Variants in FCHSD1 observed in about 807,000 individuals in gnomAD.
The protein encoded by FCHSD1 is FCH and double SH3 domains 1, also known as F-BAR and double SH3 domains protein 1.
FCHSD1 carries 109 observed loss-of-function variants against 101.3 expected under a neutral mutation model. That is an observed-to-expected ratio of 1.08 (90% CI 0.92 to 1.26). FCHSD1 has a LOEUF of 1.26. FCHSD1 is among the 50% of genes most tolerant of loss of function. FCHSD1 has a pLI of 0.00. For synonymous variants in FCHSD1, 291 were observed against 356.8 expected (o/e 0.82, Z 2.08); for missense variants, 820 against 895.8 (o/e 0.92, Z 1.08).
At position 141,649,423 on chromosome 5, in the gene FCHSD1, C is replaced by T. The variant is rs766209386; in HGVS notation, c.347G>A (p.Arg116Gln). Residue 116 changes from arginine (R) to glutamine (Q), a missense_variant, in exon 5 of 20, where the codon CGG becomes CAG. Arg to Gln is a conservative substitution (Grantham distance 43). Coordinates refer to ENST00000435817, the MANE Select transcript of FCHSD1 (RefSeq NM_033449.3). The surrounding 1 kb of genome is among the most constrained non-coding windows in gnomAD (Gnocchi z 4.1). ...CCTAAGCACCTGCTCCTTGGCGCTC[C>T]GCCCTGTACCCCCTGCTAGGTCACG... ...RYRDLAGGTG[R>Q]SAKEQVLRKG... The T allele has an allele frequency of 6.7e-5, 108 of 1,613,886 alleles. 3 individuals are homozygous for T. The Admixed American group carries it at 6.8e-4, about 10-fold the overall frequency.
chr5:141,649,440 T>A lies in FCHSD1; in HGVS notation c.330A>T (p.Leu110=). The change falls in exon 5 of 20, where the codon CTA becomes CTT. Residue 110 remains leucine (L), a synonymous_variant. Coordinates refer to ENST00000435817, the MANE Select transcript of FCHSD1 (RefSeq NM_033449.3). This position sits in a 1 kb window ranked among gnomAD's most constrained non-coding sequence, Gnocchi z 4.1. ...TGGCGCTCCGCCCTGTACCCCCTGC[T>A]AGGTCACGGTATCGGTCAGACGCCT... ...RLQASDRYRD[L]AGGTGRSAKE... is the part of the protein sequence containing the mutation. 6.2e-7 allele frequency: 1 copy of A among 1,614,006 alleles called. No individual in the cohort carries two copies. The highest frequency in any genetic ancestry group is 8.5e-7 in the Non-Finnish European group (1 of 1,179,884).
Position 141,649,447 on chromosome 5 carries a change from C to T in FCHSD1, c.323G>A (p.Arg108His), listed in dbSNP as rs1035904239. ...CCGCCCTGTACCCCCTGCTAGGTCACGGTATCGGTCAGACGCCTGGAGTCG... is the reference window on the plus strand; with the variant it reads ...CCGCCCTGTACCCCCTGCTAGGTCATGGTATCGGTCAGACGCCTGGAGTCG... ...QTRLQASDRY[R>H]DLAGGTGRSA... The change falls in exon 5 of 20, where the codon CGT (arginine) becomes CAT (histidine). Residue 108 changes from arginine to histidine, a missense_variant. Coordinates refer to ENST00000435817, the MANE Select transcript of FCHSD1 (RefSeq NM_033449.3). The surrounding 1 kb of genome is among the most constrained non-coding windows in gnomAD (Gnocchi z 4.1). The T allele has an allele frequency of 2.5e-5, 40 of 1,613,894 alleles. No homozygotes were observed. In the African/African-American group the frequency reaches 3.2e-4, roughly 13 times the overall value.
rs1166651953 is a variant in FCHSD1 at position 141,647,149 on chromosome 5, C to T, written c.910G>A (p.Ala304Thr). Residue 304 changes from alanine to threonine, a missense_variant, in exon 10 of 20, where the codon GCA becomes ACA. Physicochemically the swap from Ala to Thr is moderately conservative, Grantham distance 58. Transcript: ENST00000435817. ...SPTPPQQFQP[A>T]GTDQVCVLEW... is the part of the protein sequence containing the mutation. ...GAAGATCTCACCTGATCAGTCCCTG[C>T]TGGCTGAAACTGCTGAGGTGGGGTG... 2 of 1,607,520 alleles carry T rather than the reference C, an allele frequency of 1.2e-6. No homozygotes were observed. The highest frequency in any genetic ancestry group is 1.7e-6 in the Non-Finnish European group (2 of 1,177,052).
At position 141,646,182 on chromosome 5, in the gene FCHSD1, G is replaced by T; in HGVS notation, c.1054C>A (p.Arg352=). 3 of 1,604,648 alleles carry T rather than the reference G, an allele frequency of 1.9e-6. No homozygotes were observed. Among genetic ancestry groups the T allele is most frequent in the South Asian group, 2.2e-5 (2 of 89,362 alleles). Residue 352 remains arginine (R), a synonymous_variant, in exon 12 of 20, where the codon CGA becomes AGA. Transcript: ENST00000435817. ...GCCTGCTGCCGCCTCTGCTCCAGTCGTTGCAGTACCTGGTTGGGAAGGCAG... is the reference window on the plus strand; with the variant it reads ...GCCTGCTGCCGCCTCTGCTCCAGTCTTTGCAGTACCTGGTTGGGAAGGCAG... ...IQNHGHRVLQ[R]LEQRRQQASE... is the part of the protein sequence containing the mutation.
Position 141,641,315 on chromosome 5 carries a change from GA to G in FCHSD1, c.*182del. On this transcript the variant is annotated 3_prime_UTR_variant, in exon 20 of 20. Transcript: ENST00000435817. ...GGTCCTAGAGATGATAGAACAATGG[GA>G]AAAAAAGGAGTGGGTTCCAGCTCTA... is the stretch of plus-strand genomic sequence containing the variant. 11 of 525,712 alleles carry G rather than the reference GA, an allele frequency of 2.1e-5. No homozygotes were observed. Among genetic ancestry groups the G allele is most frequent in the South Asian group, 1.3e-4 (3 of 22,536 alleles). 32.6% of individuals were successfully genotyped at this position (525,712 alleles called of 1,614,324 possible).
At position 141,640,464 on chromosome 5, in the gene FCHSD1, TA is replaced by T; in HGVS notation, c.*1033del. The T allele has an allele frequency of 6.2e-7, 1 of 1,614,096 alleles. No individual in the cohort carries two copies. Among genetic ancestry groups the T allele is most frequent in the South Asian group, 1.1e-5 (1 of 91,078 alleles). On this transcript the variant is annotated 3_prime_UTR_variant, in exon 20 of 20. Coordinates refer to ENST00000435817, the MANE Select transcript of FCHSD1 (RefSeq NM_033449.3). ...ATGTGAGGTGAGTCTGCCTGAGCCC[TA>T]AATGAGGTAATCTCATCTTCCCATC...
intron 17 of FCHSD1, 84 bp from the exon 18 acceptor site, chr5:141,643,172 T>C (rs2099907178): frequency 2.8e-6 from 3 of 1,075,708 alleles, no homozygotes; most frequent in Non-Finnish European, 2.5e-6. Flanking sequence ...TCCAGTTCCT[T>C]CCTCATCACT....
chr5:141,640,267 C>G lies in FCHSD1; in HGVS notation c.*1231G>C. The G allele has an allele frequency of 6.2e-7, 1 of 1,613,940 alleles. No homozygotes were observed. Among genetic ancestry groups the G allele is most frequent in the East Asian group, 2.2e-5 (1 of 44,878 alleles). ...CCCACTCAAGAGGCAAATGGGCAGC[C>G]AAGCAAACCAGACACTTCTGATCAC... On this transcript the variant is annotated 3_prime_UTR_variant, in exon 20 of 20. Transcript: ENST00000435817.
In FCHSD1 at chr5:141,640,385, A is replaced by ATTG; in HGVS notation, c.*1110_*1112dup. 1 of 1,614,092 alleles carries ATTG rather than the reference A, an allele frequency of 6.2e-7. No homozygotes were observed. On this transcript the variant is annotated 3_prime_UTR_variant, in exon 20 of 20. Transcript: ENST00000435817. ...TGATAGGACCTACTCCTGGTCTCTC[A>ATTG]TTGTTGACCCCTCCCCTTTCTCTCA...
Position 141,640,752 on chromosome 5 carries a change from G to A in FCHSD1, c.*746C>T. On this transcript the variant is annotated 3_prime_UTR_variant, in exon 20 of 20. Coordinates refer to ENST00000435817, the MANE Select transcript of FCHSD1 (RefSeq NM_033449.3). ...TGAAAGCCCTCCCCTCCACTGGACA[G>A]CACTGCCCCCCAGCTGAGGGACCAG... is the stretch of plus-strand genomic sequence containing the variant. 1 of 1,322,816 alleles carries A rather than the reference G, an allele frequency of 7.6e-7. No individual in the cohort carries two copies. The highest frequency in any genetic ancestry group is 1.0e-6 in the Non-Finnish European group (1 of 971,092). 81.9% of individuals were successfully genotyped at this position (1,322,816 alleles called of 1,614,324 possible). A position where few individuals can be genotyped will look rare whatever the true frequency, so the allele number is the denominator to read the frequency against.
chr5:141,641,253 C>A lies in FCHSD1; in HGVS notation c.*245G>T. ...CCCAGAGATTTCAGGCATTTCACCACCCTAGATAGGGTCATGACAGAAGAG... is the reference window on the plus strand; with the variant it reads ...CCCAGAGATTTCAGGCATTTCACCAACCTAGATAGGGTCATGACAGAAGAG... On this transcript the variant is annotated 3_prime_UTR_variant, in exon 20 of 20. Transcript: ENST00000435817. The A allele has an allele frequency of 2.3e-6, 1 of 427,468 alleles. No homozygotes were observed. The highest frequency in any genetic ancestry group is 8.2e-5 in the South Asian group (1 of 12,268). The allele number at this position is 427,468 out of a possible 1,614,324, so 26.5% of individuals were successfully genotyped here. A position where few individuals can be genotyped will look rare whatever the true frequency, so the allele number is the denominator to read the frequency against.
Position 141,640,512 on chromosome 5 carries a change from C to T in FCHSD1, c.*986G>A. ...CATCACCTACTTAAACTATTTAAGCCTTTCGGCTCCCTGAACCCCCCGAGT... is the reference window on the plus strand; with the variant it reads ...CATCACCTACTTAAACTATTTAAGCTTTTCGGCTCCCTGAACCCCCCGAGT... On this transcript the variant is annotated 3_prime_UTR_variant, in exon 20 of 20. Coordinates refer to ENST00000435817, the MANE Select transcript of FCHSD1 (RefSeq NM_033449.3). 6.2e-7 allele frequency: 1 copy of T among 1,612,404 alleles called. No individual in the cohort carries two copies.
chr5:141,640,535 A>G lies in FCHSD1; in HGVS notation c.*963T>C. 1.3e-6 allele frequency: 2 copies of G among 1,598,722 alleles called. No homozygotes were observed. Among genetic ancestry groups the G allele is most frequent in the East Asian group, 2.3e-5 (1 of 44,390 alleles). On this transcript the variant is annotated 3_prime_UTR_variant, in exon 20 of 20. Coordinates refer to ENST00000435817, the MANE Select transcript of FCHSD1 (RefSeq NM_033449.3). ...GCCTTTCGGCTCCCTGAACCCCCCG[A>G]GTAAACTGCAGGCTTAGCCTTTGCT...
In FCHSD1 at chr5:141,640,533, C is replaced by T. The variant is rs41098; in HGVS notation, c.*965G>A. Reference sequence around the variant, plus strand: ...AAGCCTTTCGGCTCCCTGAACCCCCCGAGTAAACTGCAGGCTTAGCCTTTG... The same window carrying T: ...AAGCCTTTCGGCTCCCTGAACCCCCTGAGTAAACTGCAGGCTTAGCCTTTG... On this transcript the variant is annotated 3_prime_UTR_variant, in exon 20 of 20. Coordinates refer to ENST00000435817, the MANE Select transcript of FCHSD1 (RefSeq NM_033449.3). 19 of 1,602,076 alleles carry T rather than the reference C, an allele frequency of 1.2e-5. No homozygotes were observed. Among genetic ancestry groups the T allele is most frequent in the Admixed American group, 1.7e-5 (1 of 58,252 alleles).
Position 141,651,375 on chromosome 5 carries a change from T to C in FCHSD1, c.-7A>G, listed in dbSNP as rs2099908395. 3.9e-6 allele frequency: 6 copies of C among 1,552,484 alleles called. No individual in the cohort carries two copies. Among genetic ancestry groups the C allele is most frequent in the African/African-American group, 2.7e-5 (2 of 73,030 alleles). Reference sequence around the variant, plus strand: ...TTCGGGGCGGCGGCTGCATCTCCGCTCCAGCAAGGCGGTCAGCCACTGGAC... The same window carrying C: ...TTCGGGGCGGCGGCTGCATCTCCGCCCCAGCAAGGCGGTCAGCCACTGGAC... On this transcript the variant is annotated 5_prime_UTR_variant, in exon 1 of 20. Coordinates refer to ENST00000435817, the MANE Select transcript of FCHSD1 (RefSeq NM_033449.3).
At position 141,640,362 on chromosome 5, in the gene FCHSD1, A is replaced by G; in HGVS notation, c.*1136T>C. ...TTGCTCTCTACTCTGGGGGGCACTG[A>G]TAGGACCTACTCCTGGTCTCTCATT... On this transcript the variant is annotated 3_prime_UTR_variant, in exon 20 of 20. Coordinates refer to ENST00000435817, the MANE Select transcript of FCHSD1 (RefSeq NM_033449.3). 2 of 1,614,100 alleles carry G rather than the reference A, an allele frequency of 1.2e-6. No individual in the cohort carries two copies. The highest frequency in any genetic ancestry group is 1.3e-5 in the African/African-American group (1 of 75,034).
intron 7 of FCHSD1, 56 bp from the exon 8 acceptor site, chr5:141,648,152 G>C: frequency 6.5e-7 from 1 of 1,529,080 alleles, no homozygotes. Context: ...GTCCTTCCAA[G>C]ACCAATTGAG....
At chr5:141,644,525 T>C (rs2099907409) in intron 16 of FCHSD1, 48 bp downstream of exon 16, 1 of 1,609,534 alleles carries the variant, frequency 6.2e-7, no homozygotes, top group African/African-American at 1.3e-5. Context: ...CCCCTAACAA[T>C]TTTTCTCCAT....
At position 141,644,339 on chromosome 5, in the gene FCHSD1, T is replaced by C. The variant is rs762773489; in HGVS notation, c.1742A>G (p.Asp581Gly). The change falls in exon 17 of 20, where the codon GAT becomes GGT. Residue 581 changes from aspartate (D) to glycine (G), a missense_variant. By Grantham distance (94) the Asp-to-Gly change is moderately conservative. Transcript: ENST00000435817. ...CCTCCAGAAGCCGTCATCTACTCCA[T>C]CTTGGGCCCGGGGCAGCAGACGGAT... Reference protein sequence around the residue: ...ALIRLLPRAQDGVDDGFWRGE... With the variant: ...ALIRLLPRAQGGVDDGFWRGE... The C allele has an allele frequency of 5.6e-6, 9 of 1,613,938 alleles. No homozygotes were observed. In the South Asian group the frequency reaches 8.8e-5, roughly 16 times the overall value.
Sources: gnomAD v4.1 joint callset for allele counts on GRCh38, gnomAD v4.1.1 for gene constraint, Gnocchi (gnomAD v3.1) non-coding constraint, MANE v1.5 for transcripts, NCBI Gene and HGNC (gene_info 2026-07-23, HGNC 2026-07-21) for gene names.